Variants in NOS1AP observed in about 807,000 individuals in gnomAD.
NOS1AP encodes carboxyl-terminal PDZ ligand of neuronal nitric oxide synthase protein.
A neutral mutation model predicts 56.2 loss-of-function variants in NOS1AP; 21 were observed. The observed-to-expected ratio is 0.37, with a 90% confidence interval of 0.26 to 0.54. The LOEUF (loss-of-function observed/expected upper bound fraction) is 0.54, where lower values mean the gene tolerates loss of function less well. Ranked by LOEUF, NOS1AP falls within the 20% of genes least tolerant of loss-of-function variation. The pLI, the probability that NOS1AP is intolerant of heterozygous loss-of-function variation, is 0.84. For missense variants in NOS1AP, 522 were observed against 657.8 expected (o/e 0.79, Z 2.26); for synonymous variants, 270 against 274.6 (o/e 0.98, Z 0.17).
At chr1:162,350,123 A>T (rs920953461) in intron 6 of NOS1AP, among the ~76,000 whole-genome samples, 1 of 152,086 alleles carries the variant, frequency 6.6e-6, no homozygotes, top group African/African-American at 2.4e-5. Context: ...TTTTTTTACG[A>T]GAATCTCACC....
chr1:162,085,287 T>C (rs896342905), intron 1 of NOS1AP, among the ~76,000 whole-genome samples: 18 of 152,126 alleles, frequency 1.2e-4, no homozygotes. Context: ...CTGGAGTTTT[T>C]AGTTCTATTT....
intron 9 of NOS1AP, among the ~76,000 whole-genome samples, chr1:162,366,382 C>T (rs1451883020): frequency 1.3e-5 from 2 of 152,160 alleles, no homozygotes; most frequent in Non-Finnish European, 2.9e-5. Context: ...AGGTAACAGA[C>T]TCAGGGAGGT....
intron 2 of NOS1AP, among the ~76,000 whole-genome samples, chr1:162,176,618 C>T (rs1053057128): frequency 1.4e-5 from 2 of 147,248 alleles, no homozygotes; most frequent in Non-Finnish European, 3.0e-5. Context: ...AAGCAATTCT[C>T]CTGCCTCAGC....
At chr1:162,348,956 C>A (rs919233469) in intron 6 of NOS1AP, among the ~76,000 whole-genome samples, 1 of 152,116 alleles carries the variant, frequency 6.6e-6, no homozygotes, top group Admixed American at 6.5e-5. Context: ...GAGGCCAAGG[C>A]GGGCAGATCA....
At chr1:162,285,500 T>G (rs1655061345) in intron 2 of NOS1AP, among the ~76,000 whole-genome samples, 1 of 152,200 alleles carries the variant, frequency 6.6e-6, no homozygotes, top group Non-Finnish European at 1.5e-5. Context: ...CTCAAGTGCA[T>G]GCCAATCAAA....
chr1:162,235,503 C>T (rs1653263240), intron 2 of NOS1AP, among the ~76,000 whole-genome samples: 1 of 152,198 alleles, frequency 6.6e-6, no homozygotes, highest in South Asian at 2.1e-4. Context: ...TGGGGAGCCT[C>T]GTCAAGGCTG....
At chr1:162,124,267 C>G (rs1571034875) in intron 1 of NOS1AP, among the ~76,000 whole-genome samples, 1 of 152,122 alleles carries the variant, frequency 6.6e-6, no homozygotes, top group South Asian at 2.1e-4. Context: ...TTTTTCATCT[C>G]TCACCCCCGT....
intron 1 of NOS1AP, among the ~76,000 whole-genome samples, chr1:162,147,080 A>G (rs1649493898): frequency 6.6e-6 from 1 of 152,212 alleles, no homozygotes; most frequent in Non-Finnish European, 1.5e-5. Flanking sequence ...CTGTAATCCT[A>G]GCACTTTGGG....
chr1:162,226,111 T>C (rs894136787), intron 2 of NOS1AP, among the ~76,000 whole-genome samples: 1 of 151,918 alleles, frequency 6.6e-6, no homozygotes, highest in Non-Finnish European at 1.5e-5. Context: ...CTGACCAACA[T>C]GGAGAAACCC....
At chr1:162,288,332 C>T (rs1336989758) in intron 3 of NOS1AP, among the ~76,000 whole-genome samples, 2 of 152,162 alleles carry the variant, frequency 1.3e-5, no homozygotes, top group Non-Finnish European at 2.9e-5. Context: ...ACCTCCTGAG[C>T]TTATTTTGGT....
Position 162,214,257 on chromosome 1 carries a change from ATTCG to A in NOS1AP, c.177+59793_177+59796del, listed in dbSNP as rs368541792. Among the ~76,000 whole-genome samples the A allele has an allele frequency of 5.5e-3, 752 of 137,886 alleles. 3 individuals are homozygous for A. The highest frequency in any genetic ancestry group is 0.018 in the African/African-American group (712 of 39,534). 90.5% of individuals were successfully genotyped at this position (137,886 alleles called of 152,430 possible). On this transcript the variant is annotated intron_variant, in intron 2 of 9. Coordinates refer to ENST00000361897, the MANE Select transcript of NOS1AP (RefSeq NM_014697.3). ...CCTTTGTTAATCTGTTTGCTTGTTC[ATTCG>A]TTCGTTCGTTCATTCATTCATTCAT...
At position 162,368,180 on chromosome 1, in the gene NOS1AP, CA is replaced by C. The variant is rs1020267351; in HGVS notation, c.*714del. 5 of 152,190 alleles carry C rather than the reference CA, an allele frequency of 3.3e-5. No individual in the cohort carries two copies. Among genetic ancestry groups the C allele is most frequent in the Admixed American group, 3.3e-4 (5 of 15,272 alleles). The allele number at this position is 152,190 out of a possible 1,614,324, so 9.4% of individuals were successfully genotyped here. ...GGTTCAGGCCCTTGGTGTGAGAGCCCAGGGGGAGGACAGCTTGTCTGCTGCT... is the reference window on the plus strand; with the variant it reads ...GGTTCAGGCCCTTGGTGTGAGAGCCCGGGGGAGGACAGCTTGTCTGCTGCT... On this transcript the variant is annotated 3_prime_UTR_variant, in exon 10 of 10. Transcript: ENST00000361897.
intron 3 of NOS1AP, among the ~76,000 whole-genome samples, chr1:162,292,448 A>T (rs544807296): frequency 1.3e-5 from 2 of 152,244 alleles, no homozygotes; most frequent in Non-Finnish European, 1.5e-5. Context: ...TGTTTGATGC[A>T]TGTTTACACT....
chr1:162,127,960 G>C (rs1169684063), intron 1 of NOS1AP, among the ~76,000 whole-genome samples: 2 of 152,034 alleles, frequency 1.3e-5, no homozygotes, highest in Non-Finnish European at 2.9e-5. Context: ...ATGATGATTT[G>C]CTTATGTTTT....
chr1:162,285,912 C>T (rs1655075229), intron 2 of NOS1AP, among the ~76,000 whole-genome samples: 1 of 152,142 alleles, frequency 6.6e-6, no homozygotes, highest in African/African-American at 2.4e-5. Flanking sequence ...GTGACCAGAG[C>T]CTGCAATGAC....
chr1:162,176,861 C>T (rs1651080265), intron 2 of NOS1AP, among the ~76,000 whole-genome samples: 1 of 152,134 alleles, frequency 6.6e-6, no homozygotes, highest in African/African-American at 2.4e-5. Context: ...TTTTCACTTA[C>T]CTATTCAAGG....
rs1367446048 is a variant in NOS1AP at position 162,103,128 on chromosome 1, G to A, written c.105+32846G>A. Among the ~76,000 whole-genome samples, 3 of 152,218 alleles carry A rather than the reference G, an allele frequency of 2.0e-5. 1 individual carries two copies. The highest frequency in any genetic ancestry group is 6.8e-3 in the Middle Eastern group (2 of 294). On this transcript the variant is annotated intron_variant, in intron 1 of 9. Coordinates refer to ENST00000361897, the MANE Select transcript of NOS1AP (RefSeq NM_014697.3). Reference sequence around the variant, plus strand: ...AGCTGCGTCCCAGAGATTCTGGTACGTTGTCTCTTTGTTCTCATTGGTTTC... The same window carrying A: ...AGCTGCGTCCCAGAGATTCTGGTACATTGTCTCTTTGTTCTCATTGGTTTC...
At chr1:162,173,095 A>AT (rs961760994) in intron 2 of NOS1AP, among the ~76,000 whole-genome samples, 7 of 152,100 alleles carry the variant, frequency 4.6e-5, no homozygotes, top group African/African-American at 7.2e-5. Flanking sequence ...TGCCCAGCTA[A>AT]TTTTTTGTGT....
intron 1 of NOS1AP, among the ~76,000 whole-genome samples, chr1:162,097,899 G>GT (rs202240322): frequency 0.066 from 9,813 of 149,366 alleles, 458 homozygotes; most frequent in African/African-American, 0.14. Context: ...ATATTTATTC[G>GT]TTTTTTTTCT....
Sources: allele counts gnomAD v4.1 joint callset (sites outside exome capture counted in the v4.1 genomes callset), GRCh38; gene constraint gnomAD v4.1.1; transcripts MANE v1.5; gene names NCBI Gene and HGNC (gene_info 2026-07-23, HGNC 2026-07-21).